Variants in ZAN observed in about 807,000 individuals in gnomAD.
ZAN encodes zonadhesin.
ZAN carries 260 observed loss-of-function variants against 286.2 expected under a neutral mutation model. The observed-to-expected ratio is 0.91, with a 90% CI of 0.82 to 1.01. The LOEUF is 1.01. Ranked by LOEUF, ZAN falls within the 50% of genes least tolerant of loss-of-function variation. The pLI is 0.00. For synonymous variants in ZAN, 1,368 were observed against 1,417.5 expected, an observed-to-expected ratio of 0.97 and a Z score of 0.79; for missense variants, 3,410 against 3,639.2, an observed-to-expected ratio of 0.94 and a Z score of 1.62.
At chr7:100,777,866 A>G (rs542519933) in intron 34 of ZAN, among the ~76,000 whole-genome samples, 81 of 152,022 alleles carry the variant, frequency 5.3e-4, no homozygotes, top group African/African-American at 1.8e-3. Context: ...TGCTGGGATT[A>G]CAGGCCAGAA....
chr7:100,748,387 C>G lies in ZAN; in HGVS notation c.1166C>G (p.Ser389Cys). 1 of 1,613,998 alleles carries G rather than the reference C, an allele frequency of 6.2e-7. No individual in the cohort carries two copies. The highest frequency in any genetic ancestry group is 1.7e-4 in the Middle Eastern group (1 of 6,060). Residue 389 changes from serine (S) to cysteine (C), a missense_variant, in exon 11 of 48, where the codon TCC (serine) becomes TGC (cysteine). Physicochemically the swap from Ser to Cys is moderately radical, Grantham distance 112. Transcript: ENST00000613979. The part of the protein sequence containing the change: ...AHPFCDWVQT[S>C]GDGGHWALGH... Reference sequence around the variant, plus strand: ...CCCTTCTGTGACTGGGTCCAGACTTCCGGGGATGGTGGACACTGGGCCCTC... The same window carrying G: ...CCCTTCTGTGACTGGGTCCAGACTTGCGGGGATGGTGGACACTGGGCCCTC...
chr7:100,791,309 C>T (rs889079962), intron 40 of ZAN, among the ~76,000 whole-genome samples, 196 bp downstream of exon 40: 19 of 152,218 alleles, frequency 1.2e-4, no homozygotes, highest in African/African-American at 4.3e-4. Context: ...TCTCTGTGCC[C>T]CTGCCCTGCC....
intron 40 of ZAN, among the ~76,000 whole-genome samples, chr7:100,791,414 C>A (rs747677759): frequency 6.6e-6 from 1 of 151,980 alleles, no homozygotes; most frequent in Non-Finnish European, 1.5e-5. Flanking sequence ...CCTCCTTCTT[C>A]TTCTCCTCCT....
chr7:100,749,773 G>A (rs964468482), intron 11 of ZAN, among the ~76,000 whole-genome samples: 10 of 149,366 alleles, frequency 6.7e-5, no homozygotes, highest in African/African-American at 2.5e-4. Flanking sequence ...AATGAGGGTG[G>A]GGTGCAGTGG....
rs532638912 is a variant in ZAN, at chr7:100,789,234, T to C, written c.7244T>C (p.Met2415Thr). 2 of 1,613,670 alleles carry C rather than the reference T, an allele frequency of 1.2e-6. No homozygotes were observed. Among genetic ancestry groups the C allele is most frequent in the African/African-American group, 1.3e-5 (1 of 75,036 alleles). Residue 2415 changes from methionine (M) to threonine (T), a missense_variant, in exon 39 of 48, where the codon ATG becomes ACG. Physicochemically the swap from Met to Thr is moderately conservative, Grantham distance 81 (BLOSUM62 -1). Around this residue, in one of 7 missense-constraint regions of ZAN, gnomAD observed 1,289 missense variants for 1,314.3 expected, o/e 0.98. Transcript: ENST00000613979. ...GLELVVNNQK[M>T]AVPYRPNEHL... The stretch of plus-strand genomic sequence containing the variant: ...CCTCTTTAGGTCAACAACCAGAAGA[T>C]GGCCGTCCCCTACAGGCCAAATGAA...
intron 45 of ZAN, among the ~76,000 whole-genome samples, chr7:100,795,708 C>A (rs563370872): frequency 6.6e-6 from 1 of 151,832 alleles, no homozygotes; most frequent in South Asian, 2.1e-4. Context: ...AGATGGAGAC[C>A]ATTCTGGCTA....
intron 17 of ZAN, among the ~76,000 whole-genome samples, chr7:100,759,212 A>C (rs1809367922): frequency 6.6e-6 from 1 of 151,138 alleles, no homozygotes; most frequent in Non-Finnish European, 1.5e-5. Context: ...TAGCCTAAGC[A>C]GCAAGAGCAA....
Position 100,771,968 on chromosome 7 carries a change from C to A in ZAN, c.5373C>A (p.Ser1791=). Residue 1791 remains serine, a synonymous_variant, in exon 29 of 48, where the codon TCC becomes TCA. Coordinates refer to ENST00000613979, the MANE Select transcript of ZAN (RefSeq NM_003386.3). Reference sequence around the variant, plus strand: ...GCCGCTCCCTGCAGGCCTACGCGTCCCTGTGTGCCCAGGCTGGCCAGGCCC... The same window carrying A: ...GCCGCTCCCTGCAGGCCTACGCGTCACTGTGTGCCCAGGCTGGCCAGGCCC... ...ALCRSLQAYA[S]LCAQAGQAPA... The A allele has an allele frequency of 6.2e-7, 1 of 1,609,648 alleles. No individual in the cohort carries two copies. Among genetic ancestry groups the A allele is most frequent in the Non-Finnish European group, 8.5e-7 (1 of 1,179,164 alleles).
In ZAN at chr7:100,775,363, T is replaced by C; in HGVS notation, c.5815T>C (p.Tyr1939His). 1 of 1,613,624 alleles carries C rather than the reference T, an allele frequency of 6.2e-7. No homozygotes were observed. Among genetic ancestry groups the C allele is most frequent in the Non-Finnish European group, 8.5e-7 (1 of 1,179,808 alleles). Reference sequence around the variant, plus strand: ...GTGTCAGCTCCCAGGGGAGTCCCACTACGTGAGCTTTGATGGTAGTAACCA... The same window carrying C: ...GTGTCAGCTCCCAGGGGAGTCCCACCACGTGAGCTTTGATGGTAGTAACCA... ...GVCQLPGESHYVSFDGSNHSI... is the reference protein window; with the variant it reads ...GVCQLPGESHHVSFDGSNHSI... The change falls in exon 32 of 48, where the codon TAC (tyrosine) becomes CAC (histidine). Residue 1939 changes from tyrosine to histidine, a missense_variant. This residue lies in a region of ZAN where 1,289 missense variants were observed against 1,314.3 expected (regional missense o/e 0.98). Transcript: ENST00000613979.
At chr7:100,790,890 A>G in intron 39 of ZAN, 52 bp from the exon 40 acceptor site, 3 of 1,463,102 alleles carry the variant, frequency 2.1e-6, no homozygotes, top group Non-Finnish European at 2.7e-6. Context: ...AAAAAAAAAA[A>G]AAAAAAAAAG....
chr7:100,762,053 G>A (rs927907748), intron 19 of ZAN, among the ~76,000 whole-genome samples, 162 bp from the exon 20 acceptor site: 2 of 152,030 alleles, frequency 1.3e-5, no homozygotes, highest in African/African-American at 4.8e-5. Flanking sequence ...GGGGAAGGAG[G>A]CTTGGGGGAG....
intron 39 of ZAN, among the ~76,000 whole-genome samples, chr7:100,790,561 C>CAA (rs71517127): frequency 8.1e-5 from 5 of 61,886 alleles, no homozygotes; most frequent in Non-Finnish European, 1.5e-4. Context: ...GACTCCATCT[C>CAA]AAAAAAAAAA....
chr7:100,767,855 C>A lies in ZAN; in HGVS notation c.4885C>A (p.Pro1629Thr). The A allele has an allele frequency of 3.1e-6, 5 of 1,613,834 alleles. No individual in the cohort carries two copies. The highest frequency in any genetic ancestry group is 4.2e-6 in the Non-Finnish European group (5 of 1,179,830). The stretch of plus-strand genomic sequence containing the variant: ...GCTGAATGGCCATCGGGTGGCCCTA[C>A]CTGTGTGGCTTGCACAAGGCCGGGT... ...VMLNGHRVAL[P>T]VWLAQGRVTI... The change falls in exon 26 of 48, where the codon CCT becomes ACT. Residue 1629 changes from proline to threonine, a missense_variant. By Grantham distance (38) the Pro-to-Thr change is conservative (BLOSUM62 -1). Around this residue, in one of 7 missense-constraint regions of ZAN, gnomAD observed 1,042 missense variants for 1,058.0 expected, o/e 0.98. Transcript: ENST00000613979.
chr7:100,782,480 C>A (rs1202503413), intron 35 of ZAN, among the ~76,000 whole-genome samples: 2 of 151,992 alleles, frequency 1.3e-5, no homozygotes, highest in Admixed American at 1.3e-4. Context: ...AGGCACCCAC[C>A]ACCATGCCTG....
At position 100,794,271 on chromosome 7, in the gene ZAN, T is replaced by TC. The variant is rs758673379; in HGVS notation, c.8125+15dup. ...GGCTGCTTTCCAGGTGAACCTGCAC[T>TC]CCTGCCCGGTTCCAAGCTGCCCCAT... is the stretch of plus-strand genomic sequence containing the variant. On this transcript the variant is annotated intron_variant, in intron 44 of 47. Coordinates refer to ENST00000613979, the MANE Select transcript of ZAN (RefSeq NM_003386.3). 3.8e-6 allele frequency: 6 copies of TC among 1,584,378 alleles called. No homozygotes were observed. The East Asian group carries it at 1.3e-4, about 35-fold the overall frequency.
Position 100,737,259 on chromosome 7 carries a change from C to A in ZAN, c.526-3C>A. ...GGGTTGGGGTCCCCTTATCCTCTTG[C>A]AGCTGATGTTTGAGGGAACACGGGG... On this transcript the variant is annotated splice_polypyrimidine_tract_variant and splice_region_variant and intron_variant, in intron 5 of 47. Coordinates refer to ENST00000613979, the MANE Select transcript of ZAN (RefSeq NM_003386.3). 6.8e-7 allele frequency: 1 copy of A among 1,478,582 alleles called. No individual in the cohort carries two copies. The highest frequency in any genetic ancestry group is 9.2e-7 in the Non-Finnish European group (1 of 1,082,380). 91.6% of individuals were successfully genotyped at this position (1,478,582 alleles called of 1,614,324 possible).
At chr7:100,759,666 C>T (rs41280989) in intron 17 of ZAN, 55 bp from the exon 18 acceptor site, 24,114 of 1,529,782 alleles carry the variant, frequency 0.016, 255 homozygotes, top group African/African-American at 0.019. Context: ...GCACTGCTCG[C>T]GGCAGATGTT....
In ZAN at chr7:100,750,866, C is replaced by T. The variant is rs757468244; in HGVS notation, c.1491C>T (p.Thr497=). 7.7e-6 allele frequency: 12 copies of T among 1,568,308 alleles called. No individual in the cohort carries two copies. The highest frequency in any genetic ancestry group is 1.7e-4 in the Middle Eastern group (1 of 5,848). ...CTTACTGGCAGAACACCTCCGTCAC[C>T]GTCCCCTCAGGACACCAACAGCCCA... The part of the protein sequence containing the change: ...QRPYWQNTSV[T]VPSGHQQPMQ... The change falls in exon 12 of 48, where the codon ACC becomes ACT. Residue 497 remains threonine, a synonymous_variant. Coordinates refer to ENST00000613979, the MANE Select transcript of ZAN (RefSeq NM_003386.3).
chr7:100,791,416 TCTC>T (rs1188479496), intron 40 of ZAN, among the ~76,000 whole-genome samples: 6 of 151,796 alleles, frequency 4.0e-5, no homozygotes, highest in Admixed American at 2.0e-4. Flanking sequence ...TCCTTCTTCT[TCTC>T]CTCCTCCTAC....
Sources: allele counts gnomAD v4.1 joint callset (sites outside exome capture counted in the v4.1 genomes callset), GRCh38; gene constraint gnomAD v4.1.1; regional missense constraint gnomAD v4.1.1; transcripts MANE v1.5; gene names NCBI Gene and HGNC (gene_info 2026-07-23, HGNC 2026-07-21).